Variants in MYH9 observed in about 807,000 individuals in gnomAD.
The protein encoded by MYH9 is myosin-9.
In MYH9, 29 loss-of-function variants were observed where a neutral mutation model predicts 241.9. The ratio of observed to expected loss-of-function variants is 0.12; its 90% CI spans 0.09 to 0.16. The LOEUF (loss-of-function observed/expected upper bound fraction) is 0.16, where lower values mean the gene tolerates loss of function less well. Ranked by LOEUF, MYH9 falls within the 10% of genes least tolerant of loss-of-function variation. The pLI, the probability that MYH9 is intolerant of heterozygous loss-of-function variation, is 1.00. For synonymous variants in MYH9, 1,047 were observed against 1,062.6 expected (o/e 0.99, Z 0.29); for missense variants, 1,803 against 2,595.5 (o/e 0.69, Z 6.63).
intron 1 of MYH9, among the ~76,000 whole-genome samples, chr22:36,353,543 T>A (rs1296489000): frequency 1.3e-5 from 2 of 151,980 alleles, no homozygotes; most frequent in East Asian, 3.9e-4. Context: ...GTATTTTTAG[T>A]AGAGATGGGG....
rs748987443 is a variant in MYH9 at position 36,300,808 on chromosome 22, G to GC, written c.2838+42dup. ...GGTTCCTGCTCCTCCGCCCCGCCCT[G>GC]CCCCTCCGGCGCCACCCCTCCCCGG... is the stretch of plus-strand genomic sequence containing the variant. On this transcript the variant is annotated intron_variant, in intron 22 of 40. Transcript: ENST00000216181. The surrounding 1 kb of genome is among the most constrained non-coding windows in gnomAD (Gnocchi z 5.0). 1 of 1,595,774 alleles carries GC rather than the reference G, an allele frequency of 6.3e-7. No homozygotes were observed. Among genetic ancestry groups the GC allele is most frequent in the Non-Finnish European group, 8.5e-7 (1 of 1,177,440 alleles).
At chr22:36,341,091 G>C (rs1387946183) in intron 3 of MYH9, among the ~76,000 whole-genome samples, 1 of 152,090 alleles carries the variant, frequency 6.6e-6, no homozygotes, top group African/African-American at 2.4e-5. Context: ...AAGCAGAGGG[G>C]ACAGGCACAA....
intron 1 of MYH9, among the ~76,000 whole-genome samples, chr22:36,365,960 G>A (rs915751086): frequency 6.6e-6 from 1 of 151,934 alleles, no homozygotes; most frequent in Admixed American, 6.6e-5. Context: ...AGGCTGAGGC[G>A]GACAGATCAC....
chr22:36,367,198 C>T (rs1310622379), intron 1 of MYH9, among the ~76,000 whole-genome samples: 6 of 152,138 alleles, frequency 3.9e-5, no homozygotes, highest in Non-Finnish European at 5.9e-5. Flanking sequence ...CGTCACCCTC[C>T]GGAGGGTTAA....
chr22:36,387,903 G>C lies in MYH9; in HGVS notation c.-116C>G, dbSNP rs575742123. ...GCCGGGTGGGGCGAGCGCACGAGGCGGGAGCTGCAGCAGGTCAGCCTTGCT... is the reference window on the plus strand; with the variant it reads ...GCCGGGTGGGGCGAGCGCACGAGGCCGGAGCTGCAGCAGGTCAGCCTTGCT... On this transcript the variant is annotated 5_prime_UTR_variant, in exon 1 of 41. Transcript: ENST00000216181. 3 of 152,312 alleles carry C rather than the reference G, an allele frequency of 2.0e-5. No homozygotes were observed. Among genetic ancestry groups the C allele is most frequent in the Non-Finnish European group, 4.4e-5 (3 of 68,072 alleles). 9.4% of individuals were successfully genotyped at this position (152,312 alleles called of 1,614,324 possible).
chr22:36,377,638 G>A (rs1369601559), intron 1 of MYH9, among the ~76,000 whole-genome samples: 1 of 152,160 alleles, frequency 6.6e-6, no homozygotes, highest in Non-Finnish European at 1.5e-5. Context: ...GGCCGGGTGC[G>A]GTGGCTCACG....
At chr22:36,366,644 GA>G (rs1603484424) in intron 1 of MYH9, among the ~76,000 whole-genome samples, 1 of 152,096 alleles carries the variant, frequency 6.6e-6, no homozygotes, top group East Asian at 1.9e-4. Flanking sequence ...AACGAAAGAG[GA>G]GCCCACCTTC....
In MYH9 at chr22:36,285,225, C is replaced by T. The variant is rs2016559460; in HGVS notation, c.5379G>A (p.Lys1793=). The change falls in exon 38 of 41, where the codon AAG becomes AAA. Residue 1793 remains lysine (K), a synonymous_variant. Transcript: ENST00000216181. This position sits in a 1 kb window ranked among gnomAD's most constrained non-coding sequence, Gnocchi z 7.0. ...LERQNKELKV[K]LQEMEGTVKS... ...TGACAGTGCCCTCCATCTCCTGCAG[C>T]TTGACCTTAAGCTCCTTGTTCTGGC... is the stretch of plus-strand genomic sequence containing the variant. 1 of 1,614,230 alleles carries T rather than the reference C, an allele frequency of 6.2e-7. No homozygotes were observed. The highest frequency in any genetic ancestry group is 1.3e-5 in the African/African-American group (1 of 75,062).
At chr22:36,366,637 G>A (rs1268932081) in intron 1 of MYH9, among the ~76,000 whole-genome samples, 4 of 152,176 alleles carry the variant, frequency 2.6e-5, no homozygotes, top group African/African-American at 4.8e-5. Context: ...GCACAAGAAC[G>A]AAAGAGGAGC....
At chr22:36,313,535 C>T (rs2017101593) in intron 13 of MYH9, among the ~76,000 whole-genome samples, 1 of 151,552 alleles carries the variant, frequency 6.6e-6, no homozygotes, top group Non-Finnish European at 1.5e-5. Flanking sequence ...CTCAACAAGC[C>T]TAAAACACAA....
In MYH9 at chr22:36,301,575, C is replaced by T; in HGVS notation, c.2590G>A (p.Ala864Thr). 1 of 1,614,012 alleles carries T rather than the reference C, an allele frequency of 6.2e-7. No homozygotes were observed. Among genetic ancestry groups the T allele is most frequent in the South Asian group, 1.1e-5 (1 of 91,084 alleles). The change falls in exon 21 of 41, where the codon GCG (alanine) becomes ACG (threonine). Residue 864 changes from alanine (A) to threonine (T), a missense_variant. Around this residue, in one of 11 missense-constraint regions of MYH9, gnomAD observed 290 missense variants for 360.5 expected, o/e 0.80. Transcript: ENST00000216181. ...TCCATCTCCGTGAGCCTGTTCTCCG[C>T]AGCCAGCTGCTTCTCTCTGACCTTC... ...LVKVREKQLAAENRLTEMETL... is the reference protein window; with the variant it reads ...LVKVREKQLATENRLTEMETL...
chr22:36,291,837 G>C (rs9610483), intron 31 of MYH9, 149 bp downstream of exon 31: 1 of 1,159,810 alleles, frequency 8.6e-7, no homozygotes, highest in Non-Finnish European at 1.2e-6. Flanking sequence ...CAACAAGCCA[G>C]AGCCTGAGGG....
At chr22:36,351,965 C>T (rs2017771371) in intron 1 of MYH9, among the ~76,000 whole-genome samples, 1 of 152,118 alleles carries the variant, frequency 6.6e-6, no homozygotes. Flanking sequence ...TAACTGGCAA[C>T]CATCCTGGGA....
chr22:36,361,300 G>A lies in MYH9; in HGVS notation c.-19-12045C>T, dbSNP rs183738908. 4.6e-3 allele frequency among the ~76,000 whole-genome samples: 624 copies of A among 135,062 alleles called. 2 individuals carry two copies. The highest frequency in any genetic ancestry group is 0.021 in the African/African-American group (577 of 27,728). 88.6% of individuals were successfully genotyped at this position (135,062 alleles called of 152,430 possible). A position where few individuals can be genotyped will look rare whatever the true frequency, so the allele number is the denominator to read the frequency against. On this transcript the variant is annotated intron_variant, in intron 1 of 40. Coordinates refer to ENST00000216181, the MANE Select transcript of MYH9 (RefSeq NM_002473.6). The stretch of plus-strand genomic sequence containing the variant: ...AAAACCAGAGAGGAACTTAGTGCCC[G>A]GGCCCCAGAGCCTGCCCCATCTGCA...
At chr22:36,383,157 C>T (rs540864852) in intron 1 of MYH9, among the ~76,000 whole-genome samples, 187 of 152,216 alleles carry the variant, frequency 1.2e-3, no homozygotes, top group African/African-American at 4.4e-3. Flanking sequence ...GAATTTGAGG[C>T]TGCAGTGAGC....
In MYH9 at chr22:36,366,362, G is replaced by T. The variant is rs558409267; in HGVS notation, c.-19-17107C>A. 2.8e-4 allele frequency among the ~76,000 whole-genome samples: 43 copies of T among 152,104 alleles called. No homozygotes were observed. In the Middle Eastern group the frequency reaches 0.01, roughly 36 times the overall value. On this transcript the variant is annotated intron_variant, in intron 1 of 40. Coordinates refer to ENST00000216181, the MANE Select transcript of MYH9 (RefSeq NM_002473.6). ...GGCCAAGCAGAAACTCAAGTCCAAA[G>T]CCAAAGGGAAACTCAGTGAGAGGTG...
chr22:36,324,524 C>T (rs5756155), intron 5 of MYH9, among the ~76,000 whole-genome samples: 65,015 of 152,220 alleles, frequency 0.43, 17,139 homozygotes, highest in Non-Finnish European at 0.58. Flanking sequence ...TGCCAACCTG[C>T]GGCCCAGGCC....
At chr22:36,377,007 G>A (rs1029597784) in intron 1 of MYH9, among the ~76,000 whole-genome samples, 4 of 151,656 alleles carry the variant, frequency 2.6e-5, no homozygotes, top group Non-Finnish European at 5.9e-5. Flanking sequence ...AGGTTGCAGT[G>A]AGCCAAGATC....
intron 19 of MYH9, among the ~76,000 whole-genome samples, chr22:36,303,739 C>T (rs528469491): frequency 5.4e-5 from 8 of 147,196 alleles, no homozygotes; most frequent in African/African-American, 2.0e-4. Flanking sequence ...GAGCCGAGAA[C>T]GCACCACAGC....
Sources: gnomAD v4.1 joint callset for allele counts (sites outside exome capture counted in the v4.1 genomes callset) on GRCh38, gnomAD v4.1.1 for gene constraint, gnomAD v4.1.1 regional missense constraint, Gnocchi (gnomAD v3.1) non-coding constraint, MANE v1.5 for transcripts, NCBI Gene and HGNC (gene_info 2026-07-23, HGNC 2026-07-21) for gene names.